Variants in ATF6 observed in about 807,000 individuals in gnomAD.
ATF6 encodes the protein cyclic AMP-dependent transcription factor ATF-6 alpha.
ATF6 carries 53 observed loss-of-function variants against 83.6 expected under a neutral mutation model. The ratio of observed to expected loss-of-function variants is 0.63; its 90% CI spans 0.51 to 0.80. ATF6 has a LOEUF of 0.80. ATF6 is among the 30% of genes least tolerant of loss of function. ATF6 has a pLI of 0.00. For missense variants in ATF6, 744 were observed against 797.9 expected (o/e 0.93, Z 0.81); for synonymous variants, 288 against 285.8 (o/e 1.01, Z -0.08).
At position 161,802,289 on chromosome 1, in the gene ATF6, A is replaced by G. The variant is rs1571143972; in HGVS notation, c.909+17A>G. 3 of 1,605,606 alleles carry G rather than the reference A, an allele frequency of 1.9e-6. No homozygotes were observed. Among genetic ancestry groups the G allele is most frequent in the Non-Finnish European group, 8.5e-7 (1 of 1,172,672 alleles). On this transcript the variant is annotated intron_variant, in intron 7 of 15. Transcript: ENST00000367942. ...GGTTCAGATGTAAGTTTTGAAACTT[A>G]GTGCTTCTCTTAATGCCTGATTTAA...
At chr1:161,810,005 A>T (rs1033134364) in intron 7 of ATF6, among the ~76,000 whole-genome samples, 1 of 152,306 alleles carries the variant, frequency 6.6e-6, no homozygotes, top group Non-Finnish European at 1.5e-5. Context: ...CTGGGCCAGA[A>T]GGTATGTACT....
chr1:161,927,374 G>A (rs1251511932), intron 15 of ATF6, among the ~76,000 whole-genome samples: 1 of 152,130 alleles, frequency 6.6e-6, no homozygotes, highest in Non-Finnish European at 1.5e-5. Context: ...TCACGGTGTT[G>A]CCCAGGCTGG....
At chr1:161,850,315 G>A (rs1487674200) in intron 10 of ATF6, among the ~76,000 whole-genome samples, 2 of 151,912 alleles carry the variant, frequency 1.3e-5, no homozygotes, top group East Asian at 1.9e-4. Context: ...CAACTCTTCA[G>A]CCAGTGGTCT....
chr1:161,839,496 G>C (rs554502488), intron 9 of ATF6, among the ~76,000 whole-genome samples: 2 of 151,948 alleles, frequency 1.3e-5, no homozygotes, highest in Non-Finnish European at 2.9e-5. Flanking sequence ...TGAGGAGCTG[G>C]GACCACAGGC....
chr1:161,915,585 T>A (rs1309575721), intron 15 of ATF6, among the ~76,000 whole-genome samples: 1 of 152,150 alleles, frequency 6.6e-6, no homozygotes, highest in Non-Finnish European at 1.5e-5. Context: ...ATACAGTTTC[T>A]TCTTCTCTAC....
At chr1:161,866,704 A>G (rs915508571) in intron 14 of ATF6, among the ~76,000 whole-genome samples, 3 of 152,218 alleles carry the variant, frequency 2.0e-5, no homozygotes, top group African/African-American at 7.2e-5. Context: ...AATAACTGAT[A>G]CATTAATAAG....
At chr1:161,814,060 T>C (rs576969235) in intron 7 of ATF6, among the ~76,000 whole-genome samples, 13 of 152,224 alleles carry the variant, frequency 8.5e-5, no homozygotes, top group Admixed American at 2.6e-4. Context: ...AATTTTTTTG[T>C]ATTTTTAGTA....
chr1:161,854,918 C>G (rs1413061723), intron 12 of ATF6, among the ~76,000 whole-genome samples: 1 of 151,404 alleles, frequency 6.6e-6, no homozygotes, highest in Non-Finnish European at 1.5e-5. Flanking sequence ...AGCTTCCAGA[C>G]AGAGGGAACA....
At chr1:161,941,737 G>A (rs1055200305) in intron 15 of ATF6, among the ~76,000 whole-genome samples, 4 of 152,152 alleles carry the variant, frequency 2.6e-5, no homozygotes, top group African/African-American at 9.7e-5. Flanking sequence ...AGCAGATTAG[G>A]ATAACTTGTC....
chr1:161,791,951 A>G (rs1684888776), intron 5 of ATF6, among the ~76,000 whole-genome samples, 173 bp from the exon 6 acceptor site: 1 of 152,198 alleles, frequency 6.6e-6, no homozygotes. Context: ...CAGTTTAAGT[A>G]CTTTTCTTCA....
intron 14 of ATF6, among the ~76,000 whole-genome samples, chr1:161,875,855 A>G (rs1687207146): frequency 6.6e-6 from 1 of 151,920 alleles, no homozygotes; most frequent in African/African-American, 2.4e-5. Flanking sequence ...CAGAATATTA[A>G]AAAGACTTCT....
chr1:161,855,864 C>T (rs751611339), intron 12 of ATF6, among the ~76,000 whole-genome samples: 34 of 152,150 alleles, frequency 2.2e-4, no homozygotes, highest in East Asian at 3.8e-4. Context: ...TAGTGACCTT[C>T]GTGAAAGTTC....
chr1:161,935,637 T>G (rs1688521459), intron 15 of ATF6, among the ~76,000 whole-genome samples: 2 of 152,244 alleles, frequency 1.3e-5, no homozygotes, highest in Non-Finnish European at 2.9e-5. Flanking sequence ...GCAAATGTAA[T>G]TGCTGTTTTC....
intron 10 of ATF6, among the ~76,000 whole-genome samples, chr1:161,851,356 A>G (rs991313841): frequency 6.6e-6 from 1 of 152,076 alleles, no homozygotes; most frequent in Non-Finnish European, 1.5e-5. Context: ...TGGTCACATA[A>G]TACCACTTGA....
chr1:161,837,622 ATT>A (rs569010142), intron 9 of ATF6, among the ~76,000 whole-genome samples: 3 of 144,484 alleles, frequency 2.1e-5, no homozygotes, highest in African/African-American at 5.1e-5. Context: ...CCTTTCTCCC[ATT>A]TTTTTTTTTT....
At chr1:161,915,439 G>A (rs866271792) in intron 15 of ATF6, among the ~76,000 whole-genome samples, 2 of 152,254 alleles carry the variant, frequency 1.3e-5, no homozygotes, top group Non-Finnish European at 1.5e-5. Flanking sequence ...CTGTTTTACT[G>A]CAATAATCAT....
intron 14 of ATF6, among the ~76,000 whole-genome samples, chr1:161,867,951 A>G (rs1035358055): frequency 3.3e-5 from 5 of 152,216 alleles, no homozygotes; most frequent in African/African-American, 1.2e-4. Context: ...TGTCATATAT[A>G]CGGCATGGAT....
intron 8 of ATF6, among the ~76,000 whole-genome samples, chr1:161,820,567 A>G (rs1444336316): frequency 1.3e-5 from 2 of 152,188 alleles, no homozygotes; most frequent in African/African-American, 4.8e-5. Context: ...CCTGGCCAAC[A>G]TAGTGAAACC....
At chr1:161,935,450 C>A (rs1446868715) in intron 15 of ATF6, among the ~76,000 whole-genome samples, 2 of 152,136 alleles carry the variant, frequency 1.3e-5, no homozygotes, top group African/African-American at 4.8e-5. Context: ...GGAAGCAAAC[C>A]CTCACCAGAC....
Sources: allele counts gnomAD v4.1 joint callset (sites outside exome capture counted in the v4.1 genomes callset), GRCh38; gene constraint gnomAD v4.1.1; transcripts MANE v1.5; gene names NCBI Gene and HGNC (gene_info 2026-07-23, HGNC 2026-07-21).